The following BANK1 variants were observed in gnomAD, a reference collection of about 807,000 sequenced individuals.
BANK1 encodes the protein B-cell scaffold protein with ankyrin repeats.
In BANK1, 95 loss-of-function variants were observed where a neutral mutation model predicts 94.5. That is an observed-to-expected ratio of 1.00 (90% CI 0.85 to 1.19). BANK1 has a LOEUF of 1.19. Ranked by LOEUF, BANK1 falls within the 50% of genes most tolerant of loss-of-function variation. BANK1 has a pLI of 0.00. For missense variants in BANK1, 987 were observed against 932.2 expected (o/e 1.06, Z -0.77); for synonymous variants, 334 against 308.4 (o/e 1.08, Z -0.87).
At chr4:102,048,443 A>G (rs1354884573) in intron 11 of BANK1, among the ~76,000 whole-genome samples, 1 of 152,170 alleles carries the variant, frequency 6.6e-6, no homozygotes, top group Non-Finnish European at 1.5e-5. Context: ...CATTCAGTCC[A>G]TGTAACATAC....
chr4:101,927,574 A>G (rs1723205927), intron 7 of BANK1, among the ~76,000 whole-genome samples: 1 of 151,636 alleles, frequency 6.6e-6, no homozygotes, highest in Non-Finnish European at 1.5e-5. Flanking sequence ...CTAGGATGAC[A>G]GCAGCAAAGA....
intron 5 of BANK1, among the ~76,000 whole-genome samples, chr4:101,876,225 T>A (rs1040346203): frequency 1.3e-5 from 2 of 152,160 alleles, no homozygotes; most frequent in Non-Finnish European, 2.9e-5. Flanking sequence ...TGGGTGAGAC[T>A]TGCTGGCTTC....
At chr4:102,072,729 A>G (rs1259338757) in intron 15 of BANK1, among the ~76,000 whole-genome samples, 1 of 152,228 alleles carries the variant, frequency 6.6e-6, no homozygotes, top group Non-Finnish European at 1.5e-5. Flanking sequence ...TTTGAATCAC[A>G]ATGTATACAG....
At chr4:101,997,206 G>T (rs1432939988) in intron 7 of BANK1, among the ~76,000 whole-genome samples, 1 of 152,078 alleles carries the variant, frequency 6.6e-6, no homozygotes, top group African/African-American at 2.4e-5. Flanking sequence ...TCTTGTCATT[G>T]GTTCTGTTTA....
chr4:102,060,192 C>A lies in BANK1; in HGVS notation c.1970-19C>A, dbSNP rs1728366158. 3 of 1,544,038 alleles carry A rather than the reference C, an allele frequency of 1.9e-6. No individual in the cohort carries two copies. The East Asian group carries it at 7.1e-5, about 37-fold the overall frequency. ...TACACCTGGACTTTCTGTTAATGCA[C>A]CCTCCCCTTGTATTTTAGACAGAGC... On this transcript the variant is annotated intron_variant, in intron 11 of 16. Transcript: ENST00000322953.
intron 11 of BANK1, among the ~76,000 whole-genome samples, chr4:102,046,335 A>C (rs1727876807): frequency 6.6e-6 from 1 of 152,168 alleles, no homozygotes; most frequent in Admixed American, 6.5e-5. Flanking sequence ...AATCTCACAC[A>C]ATATAATTTT....
intron 5 of BANK1, among the ~76,000 whole-genome samples, chr4:101,883,003 A>G (rs764502031): frequency 3.3e-5 from 5 of 152,164 alleles, no homozygotes; most frequent in Non-Finnish European, 5.9e-5. Context: ...AATAAAATGC[A>G]ATTTGGTGAT....
chr4:101,922,009 CGTGTGT>C lies in BANK1; in HGVS notation c.1206+3862_1206+3867del, dbSNP rs68027862. On this transcript the variant is annotated intron_variant, in intron 7 of 16. Transcript: ENST00000322953. ...TCTTTGTCCCTGTGGACACTGGGCC[CGTGTGT>C]GTGTGTGTGTGTGTGTGTGTGTGTG... Among the ~76,000 whole-genome samples the C allele has an allele frequency of 3.7e-3, 474 of 129,432 alleles. 3 individuals are homozygous for C. The highest frequency in any genetic ancestry group is 0.011 in the Middle Eastern group (3 of 264). 84.9% of individuals were successfully genotyped at this position (129,432 alleles called of 152,430 possible).
chr4:102,050,514 A>G (rs1323556107), intron 11 of BANK1, among the ~76,000 whole-genome samples: 2 of 152,226 alleles, frequency 1.3e-5, no homozygotes, highest in African/African-American at 2.4e-5. Flanking sequence ...AAATCCCACC[A>G]AAAGAAACTA....
At chr4:101,845,836 A>G (rs1264390467) in intron 2 of BANK1, among the ~76,000 whole-genome samples, 2 of 152,214 alleles carry the variant, frequency 1.3e-5, no homozygotes, top group Non-Finnish European at 2.9e-5. Flanking sequence ...CATTTTTACT[A>G]GAGATTTGGG....
intron 7 of BANK1, among the ~76,000 whole-genome samples, chr4:101,982,123 T>C (rs896456008): frequency 6.6e-6 from 1 of 152,140 alleles, no homozygotes; most frequent in African/African-American, 2.4e-5. Flanking sequence ...CAGGGATCTC[T>C]TCTAAGCTTC....
rs540265948 is a variant in BANK1, at chr4:102,024,301, CT to C, written c.1286-899del. 9.3e-4 allele frequency among the ~76,000 whole-genome samples: 142 copies of C among 152,232 alleles called. 1 individual carries two copies. Among genetic ancestry groups the C allele is most frequent in the African/African-American group, 3.4e-3 (141 of 41,552 alleles). ...GAAAACAATTCACATATTCAAAGGT[CT>C]GTTACAGAGGTTCCAAAGTCTGTTT... On this transcript the variant is annotated intron_variant, in intron 8 of 16. Coordinates refer to ENST00000322953, the MANE Select transcript of BANK1 (RefSeq NM_017935.5).
intron 7 of BANK1, among the ~76,000 whole-genome samples, chr4:101,934,403 A>G (rs1214022258): frequency 1.3e-5 from 2 of 151,454 alleles, no homozygotes; most frequent in African/African-American, 4.8e-5. Flanking sequence ...TGGGAGGAAT[A>G]GAGGGGAAAT....
chr4:101,993,964 T>C (rs1025318067), intron 7 of BANK1, among the ~76,000 whole-genome samples: 2 of 152,244 alleles, frequency 1.3e-5, no homozygotes, highest in Admixed American at 6.5e-5. Context: ...GTCTACATGG[T>C]GCCATACAGT....
chr4:101,968,640 G>T (rs929556098), intron 7 of BANK1, among the ~76,000 whole-genome samples: 4 of 152,076 alleles, frequency 2.6e-5, no homozygotes, highest in African/African-American at 9.6e-5. Context: ...AAGTACAAGG[G>T]CACTGCTGAA....
intron 5 of BANK1, among the ~76,000 whole-genome samples, chr4:101,872,315 G>A (rs1484017612): frequency 1.3e-5 from 2 of 152,064 alleles, no homozygotes; most frequent in Admixed American, 6.6e-5. Flanking sequence ...ACTGTCATGA[G>A]GGCACCTAGA....
intron 7 of BANK1, among the ~76,000 whole-genome samples, chr4:102,010,394 T>C (rs971790319): frequency 6.7e-5 from 10 of 149,368 alleles, no homozygotes; most frequent in Non-Finnish European, 1.5e-4. Flanking sequence ...TTAATTTCTT[T>C]TTTTTTTTTT....
intron 2 of BANK1, among the ~76,000 whole-genome samples, chr4:101,851,222 A>G (rs1392272328): frequency 6.6e-6 from 1 of 152,218 alleles, no homozygotes; most frequent in Admixed American, 6.5e-5. Context: ...AAACAACTTT[A>G]TTGCTGATGT....
At chr4:101,892,341 A>G (rs1001130732) in intron 5 of BANK1, among the ~76,000 whole-genome samples, 5 of 151,572 alleles carry the variant, frequency 3.3e-5, no homozygotes, top group Non-Finnish European at 7.4e-5. Flanking sequence ...TTTAAGTTAC[A>G]TTCATCAATC....
Sources: gnomAD v4.1 joint callset for allele counts (sites outside exome capture counted in the v4.1 genomes callset) on GRCh38, gnomAD v4.1.1 for gene constraint, MANE v1.5 for transcripts, NCBI Gene and HGNC (gene_info 2026-07-23, HGNC 2026-07-21) for gene names.